The following USP20 variants were observed in gnomAD, a reference collection of about 807,000 sequenced individuals.
USP20 encodes the protein ubiquitin specific peptidase 20.
USP20 carries 80 observed loss-of-function variants against 124.2 expected under a neutral mutation model. The ratio of observed to expected loss-of-function variants is 0.64; its 90% CI spans 0.54 to 0.78. The LOEUF (loss-of-function observed/expected upper bound fraction) is 0.78. Among genes scored for constraint, USP20 ranks in the 30% least tolerant of loss-of-function variants. USP20 has a pLI of 0.00. For missense variants in USP20, 1,043 were observed against 1,244.4 expected, an observed-to-expected ratio of 0.84 and a Z score of 2.44; for synonymous variants, 481 against 512.3, an observed-to-expected ratio of 0.94 and a Z score of 0.83.
chr9:129,841,415 C>T (rs990294531), intron 1 of USP20, among the ~76,000 whole-genome samples: 1 of 152,214 alleles, frequency 6.6e-6, no homozygotes, highest in Admixed American at 6.5e-5. Flanking sequence ...TGATTACATT[C>T]TCAGGTCCTG....
At chr9:129,870,230 A>G in intron 14 of USP20, 2 of 586,174 alleles carry the variant, frequency 3.4e-6, no homozygotes, top group Non-Finnish European at 6.1e-6. Flanking sequence ...TGGCCGCAAC[A>G]CAGATGAAGG....
At chr9:129,866,886 C>T (rs1001350553) in intron 10 of USP20, among the ~76,000 whole-genome samples, 3 of 152,230 alleles carry the variant, frequency 2.0e-5, no homozygotes, top group South Asian at 2.1e-4. Flanking sequence ...CCACAGGACA[C>T]GTGTCCCCTC....
At chr9:129,857,541 G>A (rs1564204682) in intron 4 of USP20, among the ~76,000 whole-genome samples, 1 of 152,218 alleles carries the variant, frequency 6.6e-6, no homozygotes, top group Non-Finnish European at 1.5e-5. Flanking sequence ...CAAAGGCAGT[G>A]TCATCAGGGG....
At chr9:129,878,775 T>C (rs1332480882) in intron 23 of USP20, among the ~76,000 whole-genome samples, 1 of 152,162 alleles carries the variant, frequency 6.6e-6, no homozygotes, top group African/African-American at 2.4e-5. Flanking sequence ...CTCCTTGGAT[T>C]TACAGAGGTG....
chr9:129,870,107 G>A (rs1490802419), intron 14 of USP20: 2 of 576,356 alleles, frequency 3.5e-6, no homozygotes, highest in East Asian at 2.9e-5. Context: ...TGAAGGGAGG[G>A]CAGCAGCAGG....
chr9:129,867,922 G>A, intron 10 of USP20, 83 bp from the exon 11 acceptor site: 1 of 1,498,322 alleles, frequency 6.7e-7, no homozygotes, highest in Non-Finnish European at 8.9e-7. Flanking sequence ...GATGGAGGCT[G>A]GCGCTCTCAT....
intron 10 of USP20, among the ~76,000 whole-genome samples, chr9:129,867,409 A>G (rs72757208): frequency 0.013 from 1,970 of 152,308 alleles, 39 homozygotes; most frequent in South Asian, 0.065. Context: ...AGACTGAGTC[A>G]TGACCAGGTC....
intron 4 of USP20, among the ~76,000 whole-genome samples, chr9:129,857,360 A>C (rs939810841): frequency 1.3e-5 from 2 of 152,222 alleles, no homozygotes; most frequent in African/African-American, 4.8e-5. Context: ...AGTCAGCCAC[A>C]TGATATGATT....
chr9:129,872,842 A>G (rs1171426583), intron 15 of USP20, among the ~76,000 whole-genome samples: 1 of 152,026 alleles, frequency 6.6e-6, no homozygotes, highest in Non-Finnish European at 1.5e-5. Flanking sequence ...GCAAGACCCT[A>G]TCTCAAAAAA....
intron 13 of USP20, 83 bp downstream of exon 13, chr9:129,869,508 C>A: frequency 1.3e-6 from 2 of 1,540,592 alleles, no homozygotes; most frequent in Admixed American, 1.7e-5. Flanking sequence ...GCAGGGTGGG[C>A]TCTCCACGGG....
chr9:129,870,193 G>A (rs898613926), intron 14 of USP20: 8 of 562,146 alleles, frequency 1.4e-5, no homozygotes, highest in Admixed American at 1.3e-4. Context: ...AGACCCGCAT[G>A]ACCCCAGGGA....
At chr9:129,858,263 G>A (rs2033321629) in intron 5 of USP20, 151 bp downstream of exon 5, 1 of 1,151,246 alleles carries the variant, frequency 8.7e-7, no homozygotes, top group Non-Finnish European at 1.2e-6. Context: ...AGAGAATGCA[G>A]GTAAAAACAT....
At position 129,868,955 on chromosome 9, in the gene USP20, C is replaced by G. The variant is rs773142544; in HGVS notation, c.1229C>G (p.Pro410Arg). 29 of 1,612,786 alleles carry G rather than the reference C, an allele frequency of 1.8e-5. No individual in the cohort carries two copies. Among genetic ancestry groups the G allele is most frequent in the Non-Finnish European group, 2.4e-5 (28 of 1,179,374 alleles). ...EGHAKLSSSPPRASPVRMAPS... is the reference protein window; with the variant it reads ...EGHAKLSSSPRRASPVRMAPS... ...CATGCCAAGCTGTCTAGCAGCCCCC[C>G]TCGTGCAAGCCCCGTGAGGATGGCA... Residue 410 changes from proline (P) to arginine (R), a missense_variant, in exon 12 of 26, where the codon CCT (proline) becomes CGT (arginine). Pro to Arg is a moderately radical substitution (Grantham distance 103). Coordinates refer to ENST00000372429, the MANE Select transcript of USP20 (RefSeq NM_001110303.4).
Position 129,868,011 on chromosome 9 carries a change from C to T in USP20, c.697C>T (p.Gln233Ter). 1 of 1,612,684 alleles carries T rather than the reference C, an allele frequency of 6.2e-7. No homozygotes were observed. The highest frequency in any genetic ancestry group is 8.5e-7 in the Non-Finnish European group (1 of 1,179,186). Residue 233 changes from glutamine to a stop codon, truncating the protein, a stop_gained, in exon 11 of 26, where the codon CAA (glutamine) becomes TAA (stop). Transcript: ENST00000372429. LOFTEE classifies it high-confidence loss of function. Reference protein sequence around the residue: ...MFRGYAQQDTQEFLRCLMDQL... With the variant: ...MFRGYAQQDT ...ATGCAGCCCCTGGTTCTAGGACACC[C>T]AAGAGTTCCTTCGCTGCCTGATGGA...
At chr9:129,880,345 A>T (rs2034591002) in intron 25 of USP20, 56 bp downstream of exon 25, 2 of 1,498,272 alleles carry the variant, frequency 1.3e-6, no homozygotes, top group Middle Eastern at 2.2e-4. Context: ...CTCACTCTCC[A>T]GAGACCCTCA....
intron 9 of USP20, among the ~76,000 whole-genome samples, chr9:129,863,719 T>G (rs1370714603): frequency 6.6e-6 from 1 of 152,018 alleles, no homozygotes; most frequent in Non-Finnish European, 1.5e-5. Context: ...AAGATCAGAG[T>G]CTGTGATTAG....
chr9:129,862,754 A>G (rs958012734), intron 8 of USP20, among the ~76,000 whole-genome samples: 2 of 150,722 alleles, frequency 1.3e-5, no homozygotes, highest in Non-Finnish European at 3.0e-5. Context: ...AAATACAAAA[A>G]AATTAGCCAG....
chr9:129,856,445 T>A (rs1326920781), intron 4 of USP20, 85 bp downstream of exon 4: 1 of 1,499,276 alleles, frequency 6.7e-7, no homozygotes, highest in African/African-American at 1.4e-5. Flanking sequence ...TGGGCTAGAC[T>A]CTGGGCTGGG....
At position 129,863,199 on chromosome 9, in the gene USP20, C is replaced by G; in HGVS notation, c.511C>G (p.Gln171Glu). 2 of 1,538,316 alleles carry G rather than the reference C, an allele frequency of 1.3e-6. No homozygotes were observed. Among genetic ancestry groups the G allele is most frequent in the Non-Finnish European group, 1.8e-6 (2 of 1,136,484 alleles). Residue 171 changes from glutamine (Q) to glutamate (E), a missense_variant, in exon 9 of 26, where the codon CAG becomes GAG. Coordinates refer to ENST00000372429, the MANE Select transcript of USP20 (RefSeq NM_001110303.4). ...CCCTGCACCCAGCCCGCCGCTGACTCAGTTCTTCTTGGAGTGTGGCGGCCT... is the reference window on the plus strand; with the variant it reads ...CCCTGCACCCAGCCCGCCGCTGACTGAGTTCTTCTTGGAGTGTGGCGGCCT... ...QALSNCPPLTQFFLECGGLVR... is the reference protein window; with the variant it reads ...QALSNCPPLTEFFLECGGLVR...
Sources: allele counts gnomAD v4.1 joint callset (sites outside exome capture counted in the v4.1 genomes callset), GRCh38; gene constraint gnomAD v4.1.1; transcripts MANE v1.5; gene names NCBI Gene and HGNC (gene_info 2026-07-23, HGNC 2026-07-21).